Variants in AGBL4 observed in about 807,000 individuals in gnomAD.
AGBL4 encodes AGBL carboxypeptidase 4.
A neutral mutation model predicts 66.4 loss-of-function variants in AGBL4; 58 were observed. The observed-to-expected ratio is 0.87, with a 90% CI of 0.71 to 1.09. AGBL4 has a LOEUF of 1.09. Among genes scored for constraint, AGBL4 ranks in the 50% least tolerant of loss-of-function variants. The pLI is 0.00. For synonymous variants in AGBL4, 234 were observed against 222.9 expected (o/e 1.05, Z -0.44); for missense variants, 579 against 631.0 (o/e 0.92, Z 0.88).
At chr1:49,479,628 C>T (rs981479810) in intron 3 of AGBL4, among the ~76,000 whole-genome samples, 2 of 151,704 alleles carry the variant, frequency 1.3e-5, no homozygotes, top group African/African-American at 4.8e-5. Context: ...ATGCAAAGGA[C>T]ACGATCTCTT....
In AGBL4 at chr1:49,495,502, T is replaced by G. The variant is rs567867432; in HGVS notation, c.282+201811A>C. 3.3e-5 allele frequency among the ~76,000 whole-genome samples: 5 copies of G among 151,844 alleles called. No individual in the cohort carries two copies. In the South Asian group the frequency reaches 1.0e-3, roughly 32 times the overall value. ...AAAGCATGAATGTTAGCACAGACCA[T>G]GTTCGTCTCTGCCTCATGTGTGGAT... On this transcript the variant is annotated intron_variant, in intron 3 of 13. Coordinates refer to ENST00000371839, the MANE Select transcript of AGBL4 (RefSeq NM_032785.4).
chr1:49,164,483 A>G (rs545877021), intron 4 of AGBL4, among the ~76,000 whole-genome samples: 2 of 152,286 alleles, frequency 1.3e-5, no homozygotes, highest in African/African-American at 4.8e-5. Flanking sequence ...AAAGAAGCGC[A>G]CAAGCAACTG....
intron 1 of AGBL4, among the ~76,000 whole-genome samples, chr1:50,020,072 T>C (rs552569777): frequency 6.6e-6 from 1 of 152,102 alleles, no homozygotes; most frequent in South Asian, 2.1e-4. Flanking sequence ...TAAGATATCT[T>C]AAGTGTCCCT....
chr1:49,331,017 C>T (rs1645322382), intron 3 of AGBL4, among the ~76,000 whole-genome samples: 1 of 152,078 alleles, frequency 6.6e-6, no homozygotes, highest in Non-Finnish European at 1.5e-5. Flanking sequence ...AATGTGTGAC[C>T]CCAGGAAACT....
At chr1:49,825,680 T>TAGA (rs985763696) in intron 2 of AGBL4, among the ~76,000 whole-genome samples, 2 of 152,188 alleles carry the variant, frequency 1.3e-5, no homozygotes, top group Admixed American at 1.3e-4. Flanking sequence ...AAGACTTGAA[T>TAGA]AGAACAAAAG....
chr1:49,879,333 G>A (rs909637883), intron 1 of AGBL4, among the ~76,000 whole-genome samples: 3 of 150,942 alleles, frequency 2.0e-5, no homozygotes, highest in African/African-American at 7.3e-5. Context: ...GCTTCCTTCA[G>A]GAGCTCTTTT....
At chr1:49,602,820 A>ACAAT (rs1644986211) in intron 3 of AGBL4, among the ~76,000 whole-genome samples, 1 of 121,784 alleles carries the variant, frequency 8.2e-6, no homozygotes, top group Admixed American at 9.1e-5. Context: ...AACTTAAAGT[A>ACAAT]CAATAAATAA....
intron 5 of AGBL4, among the ~76,000 whole-genome samples, chr1:49,029,613 AT>A (rs1664043927): frequency 6.6e-6 from 1 of 152,168 alleles, no homozygotes; most frequent in Non-Finnish European, 1.5e-5. Flanking sequence ...CTCCACACTA[AT>A]TTACAGGTTC....
At chr1:49,696,648 G>A (rs2124613079) in intron 3 of AGBL4, among the ~76,000 whole-genome samples, 1 of 152,024 alleles carries the variant, frequency 6.6e-6, no homozygotes, top group East Asian at 1.9e-4. Flanking sequence ...ACATATTTCA[G>A]TATGTATTAT....
At chr1:48,867,357 T>C (rs772803908) in intron 5 of AGBL4, 127 bp from the exon 6 acceptor site, 63 of 926,394 alleles carry the variant, frequency 6.8e-5, no homozygotes, top group Non-Finnish European at 1.0e-4. Context: ...CGGAATGTGG[T>C]ACTCACTTCC....
intron 5 of AGBL4, among the ~76,000 whole-genome samples, chr1:49,037,914 T>C (rs1261328512): frequency 1.3e-5 from 2 of 152,118 alleles, no homozygotes; most frequent in African/African-American, 4.8e-5. Flanking sequence ...AAAGTTCACA[T>C]AGACTTGGCT....
chr1:49,777,955 T>C (rs1923007), intron 2 of AGBL4, among the ~76,000 whole-genome samples: 138,246 of 152,204 alleles, frequency 0.91, 63,017 homozygotes, highest in African/African-American at 0.97. Context: ...AGTATTTGAC[T>C]CACAAGCTGC....
chr1:49,506,328 TTTTG>T (rs1373264810), intron 3 of AGBL4, among the ~76,000 whole-genome samples: 1 of 152,064 alleles, frequency 6.6e-6, no homozygotes, highest in Non-Finnish European at 1.5e-5. Context: ...GCAAATTAAC[TTTTG>T]TTTTTGTTAA....
intron 6 of AGBL4, among the ~76,000 whole-genome samples, chr1:48,734,353 C>A (rs1648669073): frequency 6.6e-6 from 1 of 152,160 alleles, no homozygotes; most frequent in Admixed American, 6.5e-5. Context: ...AAAATACACC[C>A]TACACTTGGG....
chr1:49,919,643 C>T (rs1251929276), intron 1 of AGBL4, among the ~76,000 whole-genome samples: 19 of 151,684 alleles, frequency 1.3e-4, no homozygotes, highest in Non-Finnish European at 2.5e-4. Context: ...GAATCAATAT[C>T]GTGAAAATGG....
chr1:49,999,728 C>T (rs1287917555), intron 1 of AGBL4, among the ~76,000 whole-genome samples: 1 of 151,972 alleles, frequency 6.6e-6, no homozygotes, highest in East Asian at 1.9e-4. Context: ...AATAGGTATA[C>T]AGACCAGTGG....
chr1:48,591,192 A>G (rs1644914757), intron 9 of AGBL4, among the ~76,000 whole-genome samples: 1 of 150,596 alleles, frequency 6.6e-6, no homozygotes, highest in South Asian at 2.1e-4. Flanking sequence ...GTGACGACCA[A>G]TTCCTCCTCA....
intron 2 of AGBL4, among the ~76,000 whole-genome samples, chr1:49,758,854 G>A (rs994866780): frequency 3.9e-5 from 6 of 151,920 alleles, no homozygotes; most frequent in African/African-American, 1.5e-4. Context: ...GAAATGTGAG[G>A]GCATGAGATT....
intron 1 of AGBL4, among the ~76,000 whole-genome samples, chr1:49,915,640 T>C (rs1651373516): frequency 6.6e-6 from 1 of 152,192 alleles, no homozygotes; most frequent in South Asian, 2.1e-4. Flanking sequence ...ACTGCCTTTG[T>C]AGACGCCACC....
Sources: gnomAD v4.1 joint callset for allele counts (sites outside exome capture counted in the v4.1 genomes callset) on GRCh38, gnomAD v4.1.1 for gene constraint, MANE v1.5 for transcripts, NCBI Gene and HGNC (gene_info 2026-07-23, HGNC 2026-07-21) for gene names.